Variants in C12orf56 observed in about 807,000 individuals in gnomAD.
C12orf56 encodes uncharacterized protein C12orf56.
Under a neutral mutation model 69.9 loss-of-function variants are expected in C12orf56, and 71 were observed. The ratio of observed to expected loss-of-function variants is 1.02; its 90% CI spans 0.84 to 1.24. C12orf56 has a LOEUF of 1.24. Among genes scored for constraint, C12orf56 ranks in the 50% most tolerant of loss-of-function variants. C12orf56 has a pLI of 0.00. For missense variants in C12orf56, 732 were observed against 738.5 expected, an observed-to-expected ratio of 0.99 and a Z score of 0.10; for synonymous variants, 276 against 274.1, an observed-to-expected ratio of 1.01 and a Z score of -0.07.
chr12:64,309,489 CTGTTTTTT>C (rs1565749418), intron 5 of C12orf56, among the ~76,000 whole-genome samples: 3 of 91,196 alleles, frequency 3.3e-5, no homozygotes. Flanking sequence ...CATACTCACA[CTGTTTTTT>C]TGTTTGTTTG....
chr12:64,296,630 A>G (rs903915483), intron 6 of C12orf56, among the ~76,000 whole-genome samples: 1 of 152,226 alleles, frequency 6.6e-6, no homozygotes, highest in East Asian at 1.9e-4. Context: ...TTGGGATGGA[A>G]TAAATGTATT....
chr12:64,293,479 C>T (rs558069945), intron 6 of C12orf56: 1 of 152,326 alleles, frequency 6.6e-6, no homozygotes, highest in East Asian at 1.9e-4. Flanking sequence ...TACTTATACT[C>T]CCTGTCGCTC....
chr12:64,294,848 T>C (rs567558075), intron 6 of C12orf56, among the ~76,000 whole-genome samples: 7 of 151,932 alleles, frequency 4.6e-5, no homozygotes, highest in South Asian at 4.2e-4. Context: ...TTTTGTGTTA[T>C]GTATATTTTG....
At chr12:64,328,703 A>AGGT (rs2038881748) in intron 3 of C12orf56, among the ~76,000 whole-genome samples, 4 of 20,610 alleles carry the variant, frequency 1.9e-4, no homozygotes, top group Non-Finnish European at 2.7e-4. Context: ...AAAAAAAAAA[A>AGGT]AAAATATATA....
intron 5 of C12orf56, among the ~76,000 whole-genome samples, chr12:64,309,723 C>CCCT (rs1267580512): frequency 6.6e-6 from 1 of 152,182 alleles, no homozygotes; most frequent in Non-Finnish European, 1.5e-5. Flanking sequence ...ATTGGCCAGG[C>CCCT]TGGTCTCAAA....
chr12:64,334,404 G>A (rs575870834), intron 2 of C12orf56, among the ~76,000 whole-genome samples: 3 of 152,160 alleles, frequency 2.0e-5, no homozygotes, highest in Non-Finnish European at 2.9e-5. Context: ...TTCTAGGATC[G>A]CCCTTGGAAA....
intron 3 of C12orf56, among the ~76,000 whole-genome samples, chr12:64,326,731 C>T (rs2038847047): frequency 1.2e-5 from 1 of 81,830 alleles, no homozygotes; most frequent in Admixed American, 1.6e-4. Flanking sequence ...CGGAGCTAGA[C>T]TCTGTCTCAA....
At position 64,288,886 on chromosome 12, in the gene C12orf56, G is replaced by T. The variant is rs1269178080; in HGVS notation, c.1114-2826C>A. Among the ~76,000 whole-genome samples, 22 of 151,052 alleles carry T rather than the reference G, an allele frequency of 1.5e-4. 1 individual carries two copies. Among genetic ancestry groups the T allele is most frequent in the Non-Finnish European group, 4.4e-5 (3 of 67,822 alleles). On this transcript the variant is annotated intron_variant, in intron 6 of 12. Transcript: ENST00000543942. The stretch of plus-strand genomic sequence containing the variant: ...AAGTAGTTTTTTCCAATTCTGTGAG[G>T]AAAGTCATTGGTAGCTTTATGGGGA...
chr12:64,281,508 G>A (rs2038127562), intron 8 of C12orf56, among the ~76,000 whole-genome samples: 1 of 151,522 alleles, frequency 6.6e-6, no homozygotes, highest in African/African-American at 2.4e-5. Flanking sequence ...GGAGGTAGAG[G>A]TTGCAGTGAG....
Position 64,390,639 on chromosome 12 carries a change from G to GA in C12orf56, c.-75dup. ...TCGCCCTCTCCCCGCCCCCGCGCTGGAACCCGCGCGCCACAAAGCCGCCGG... is the reference window on the plus strand; with the variant it reads ...TCGCCCTCTCCCCGCCCCCGCGCTGGAAACCCGCGCGCCACAAAGCCGCCGG... On this transcript the variant is annotated 5_prime_UTR_variant, in exon 1 of 13. Transcript: ENST00000543942. The GA allele has an allele frequency of 7.2e-7, 1 of 1,380,216 alleles. No individual in the cohort carries two copies. 85.5% of individuals were successfully genotyped at this position (1,380,216 alleles called of 1,614,324 possible).
At chr12:64,270,229 C>T (rs547723136) in intron 12 of C12orf56, among the ~76,000 whole-genome samples, 8 of 151,888 alleles carry the variant, frequency 5.3e-5, no homozygotes, top group African/African-American at 1.9e-4. Flanking sequence ...AACCCTGTCT[C>T]TACTAAAAAT....
At chr12:64,357,799 G>A (rs998093842) in intron 1 of C12orf56, among the ~76,000 whole-genome samples, 3 of 151,940 alleles carry the variant, frequency 2.0e-5, no homozygotes, top group African/African-American at 7.3e-5. Flanking sequence ...TAATCAGGAG[G>A]CTGAGGCAGA....
At chr12:64,352,274 A>G (rs1858047386) in intron 2 of C12orf56, 2 of 152,274 alleles carry the variant, frequency 1.3e-5, no homozygotes, top group South Asian at 2.1e-4. Context: ...TCAGGCCACC[A>G]AACTCCAAAT....
At chr12:64,376,704 A>T (rs549133338) in intron 1 of C12orf56, among the ~76,000 whole-genome samples, 1 of 151,776 alleles carries the variant, frequency 6.6e-6, no homozygotes, top group Non-Finnish European at 1.5e-5. Flanking sequence ...AAGTGAGAAC[A>T]TGTGGTATTT....
chr12:64,317,747 C>T (rs879746264), intron 4 of C12orf56, among the ~76,000 whole-genome samples: 5 of 151,378 alleles, frequency 3.3e-5, no homozygotes, highest in Admixed American at 1.3e-4. Context: ...GTGACAAGAG[C>T]GAAACTCCAT....
rs375519472 is a variant in C12orf56, at chr12:64,390,690, C to T, written c.-125G>A. 1 of 1,310,518 alleles carries T rather than the reference C, an allele frequency of 7.6e-7. No homozygotes were observed. Among genetic ancestry groups the T allele is most frequent in the Non-Finnish European group, 9.8e-7 (1 of 1,018,218 alleles). 81.2% of individuals were successfully genotyped at this position (1,310,518 alleles called of 1,614,324 possible). On this transcript the variant is annotated 5_prime_UTR_variant, in exon 1 of 13. Transcript: ENST00000543942. ...CCACGCGTCGCCTCCTCTCCAGGCGCGGGGACCCGGGCCGCAACTGCAGGA... is the reference window on the plus strand; with the variant it reads ...CCACGCGTCGCCTCCTCTCCAGGCGTGGGGACCCGGGCCGCAACTGCAGGA...
At chr12:64,308,944 AAAG>A (rs367810813) in intron 5 of C12orf56, among the ~76,000 whole-genome samples, 4,163 of 46,444 alleles carry the variant, frequency 0.09, 212 homozygotes, top group East Asian at 0.27. Flanking sequence ...AAGAAAGAAG[AAAG>A]AAAGAAAGAA....
At chr12:64,334,048 T>A (rs2038963446) in intron 2 of C12orf56, among the ~76,000 whole-genome samples, 1 of 152,196 alleles carries the variant, frequency 6.6e-6, no homozygotes, top group African/African-American at 2.4e-5. Flanking sequence ...TTCAGTGGCT[T>A]GGATATGAAT....
chr12:64,272,159 C>A (rs2037997918), intron 11 of C12orf56, among the ~76,000 whole-genome samples: 2 of 152,184 alleles, frequency 1.3e-5, no homozygotes, highest in South Asian at 4.1e-4. Context: ...GAGTTTGAGA[C>A]CAGCCTGGGA....
Sources: gnomAD v4.1 joint callset for allele counts (sites outside exome capture counted in the v4.1 genomes callset) on GRCh38, gnomAD v4.1.1 for gene constraint, MANE v1.5 for transcripts, NCBI Gene and HGNC (gene_info 2026-07-23, HGNC 2026-07-21) for gene names.